The following BIVM variants were observed in gnomAD, a reference collection of about 807,000 sequenced individuals.
The protein encoded by BIVM is basic immunoglobulin-like variable motif-containing protein.
A neutral mutation model predicts 61.4 loss-of-function variants in BIVM; 31 were observed. The observed-to-expected ratio is 0.51, with a 90% CI of 0.38 to 0.68. BIVM has a LOEUF of 0.68. BIVM is among the 30% of genes least tolerant of loss of function. The pLI, the probability that BIVM is intolerant of heterozygous loss-of-function variation, is 0.00. For synonymous variants in BIVM, 189 were observed against 210.7 expected (o/e 0.90, Z 0.89); for missense variants, 526 against 596.0 (o/e 0.88, Z 1.22).
chr13:102,820,792 T>G, intron 4 of BIVM: 1 of 409,644 alleles, frequency 2.4e-6, no homozygotes, highest in Non-Finnish European at 4.3e-6. Context: ...TTTTTTCCCA[T>G]TGGTTTGGAT....
chr13:102,814,852 T>C (rs1484181876), intron 3 of BIVM, among the ~76,000 whole-genome samples: 2 of 152,176 alleles, frequency 1.3e-5, no homozygotes, highest in Non-Finnish European at 2.9e-5. Context: ...GAGACCAACC[T>C]GGGCAACATA....
chr13:102,819,892 A>G (rs556463913), intron 4 of BIVM, among the ~76,000 whole-genome samples: 1 of 152,318 alleles, frequency 6.6e-6, no homozygotes, highest in African/African-American at 2.4e-5. Flanking sequence ...TTTAGACCAC[A>G]CTAAAGTTGC....
intron 9 of BIVM, among the ~76,000 whole-genome samples, chr13:102,835,159 G>A (rs1881375848): frequency 6.6e-6 from 1 of 151,992 alleles, no homozygotes; most frequent in Admixed American, 6.6e-5. Flanking sequence ...TGGGAGGATC[G>A]CTTGAGCCCA....
intron 4 of BIVM, 95 bp downstream of exon 4, chr13:102,816,649 C>A: frequency 9.2e-7 from 1 of 1,086,354 alleles, no homozygotes; most frequent in Non-Finnish European, 1.2e-6. Context: ...TTATATGTAT[C>A]ATAAATATTT....
intron 7 of BIVM, among the ~76,000 whole-genome samples, chr13:102,823,427 G>C (rs762207354): frequency 6.6e-6 from 1 of 152,060 alleles, no homozygotes; most frequent in Non-Finnish European, 1.5e-5. Context: ...ATTTGTATAG[G>C]GTCAGTGTGA....
rs192499951 is a variant in BIVM at position 102,809,543 on chromosome 13, C to T, written c.478+1798C>T. ...GTGTCATTCACATCTTTTGTGTCTC[C>T]GCTTAACTTGTGTCTTGTTCTATCA... On this transcript the variant is annotated intron_variant, in intron 3 of 10. Coordinates refer to ENST00000257336, the MANE Select transcript of BIVM (RefSeq NM_017693.4). 5.9e-5 allele frequency among the ~76,000 whole-genome samples: 9 copies of T among 152,236 alleles called. No individual in the cohort carries two copies. In the South Asian group the frequency reaches 6.2e-4, roughly 11 times the overall value.
intron 4 of BIVM, among the ~76,000 whole-genome samples, chr13:102,819,200 C>T (rs367728408): frequency 6.6e-6 from 1 of 152,246 alleles, no homozygotes; most frequent in Admixed American, 6.5e-5. Context: ...GTAAATTGCT[C>T]ATGTTTCCAG....
intron 1 of BIVM, among the ~76,000 whole-genome samples, chr13:102,804,615 C>G (rs560217423): frequency 6.6e-6 from 1 of 151,598 alleles, no homozygotes; most frequent in Admixed American, 6.6e-5. Context: ...CCGGCCCTTA[C>G]TGTCTGGCTA....
chr13:102,824,974 G>A (rs1011991023), intron 7 of BIVM, among the ~76,000 whole-genome samples: 10 of 150,976 alleles, frequency 6.6e-5, no homozygotes, highest in South Asian at 2.1e-4. Flanking sequence ...ACGGAGTCTC[G>A]CTCTGTTGCC....
chr13:102,837,965 G>C (rs1881597994), intron 9 of BIVM, among the ~76,000 whole-genome samples: 1 of 152,122 alleles, frequency 6.6e-6, no homozygotes, highest in African/African-American at 2.4e-5. Context: ...CTGCTTGGAT[G>C]ATGGGTGCAC....
intron 9 of BIVM, 52 bp from the exon 10 acceptor site, chr13:102,838,588 AATG>A: frequency 1.4e-6 from 2 of 1,454,168 alleles, no homozygotes; most frequent in Middle Eastern, 1.8e-4. Flanking sequence ...ATTCCATTGC[AATG>A]ATACTTTAGA....
At position 102,831,622 on chromosome 13, in the gene BIVM, T is replaced by A; in HGVS notation, c.959T>A (p.Ile320Asn). 3 of 1,614,146 alleles carry A rather than the reference T, an allele frequency of 1.9e-6. No homozygotes were observed. The highest frequency in any genetic ancestry group is 1.3e-5 in the African/African-American group (1 of 75,020). ...RGLKDESLAY[I>N]YHCQNHYFCP... is the part of the protein sequence containing the mutation. ...TTGAAAGATGAATCGCTGGCTTATA[T>A]CTATCATTGCCAAAATCATTATTTT... is the stretch of plus-strand genomic sequence containing the variant. Residue 320 changes from isoleucine (I) to asparagine (N), a missense_variant, in exon 8 of 11, where the codon ATC (isoleucine) becomes AAC (asparagine). Ile to Asn is a moderately radical substitution (Grantham distance 149, BLOSUM62 -3). Coordinates refer to ENST00000257336, the MANE Select transcript of BIVM (RefSeq NM_017693.4).
At chr13:102,835,551 T>A (rs1276159370) in intron 9 of BIVM, among the ~76,000 whole-genome samples, 2 of 152,174 alleles carry the variant, frequency 1.3e-5, no homozygotes, top group East Asian at 3.9e-4. Context: ...TTGGTTTTTT[T>A]AAGACAGAGT....
At chr13:102,814,107 G>C (rs150586582) in intron 3 of BIVM, among the ~76,000 whole-genome samples, 171 of 152,246 alleles carry the variant, frequency 1.1e-3, no homozygotes, top group African/African-American at 4.0e-3. Flanking sequence ...GTCTGTCTGT[G>C]TGTGTGTTTG....
intron 8 of BIVM, 135 bp from the exon 9 acceptor site, chr13:102,834,331 A>G (rs778863494): frequency 6.2e-4 from 500 of 806,918 alleles, no homozygotes; most frequent in Non-Finnish European, 8.0e-4. Context: ...CCCTCACCTA[A>G]GCTCTAATGT....
chr13:102,827,457 ATT>A lies in BIVM; in HGVS notation c.902-4099_902-4098del, dbSNP rs11367469. ...TTTTCAAGTTTTATTCCTACTTTCAATTTTTTTTTTCCAGAATATTCGACTTT... is the reference window on the plus strand; with the variant it reads ...TTTTCAAGTTTTATTCCTACTTTCAATTTTTTTTCCAGAATATTCGACTTT... On this transcript the variant is annotated intron_variant, in intron 7 of 10. Transcript: ENST00000257336. 1.0e-2 allele frequency among the ~76,000 whole-genome samples: 1,508 copies of A among 151,056 alleles called. 22 individuals carry two copies. The highest frequency in any genetic ancestry group is 0.033 in the African/African-American group (1,362 of 41,088).
intron 5 of BIVM, 72 bp downstream of exon 5, chr13:102,821,204 A>T: frequency 7.6e-7 from 1 of 1,319,642 alleles, no homozygotes; most frequent in Non-Finnish European, 1.0e-6. Flanking sequence ...TAACAGAAAA[A>T]AATTTAAGAA....
rs1360991175 is a variant in BIVM at position 102,839,737 on chromosome 13, C to A, written c.1384C>A (p.His462Asn). The A allele has an allele frequency of 6.2e-7, 1 of 1,614,034 alleles. No homozygotes were observed. The highest frequency in any genetic ancestry group is 8.5e-7 in the Non-Finnish European group (1 of 1,180,048). ...ESEDNISKKQ[H>N]GRLGRSFSAS... ...TGAAGACAATATTTCCAAGAAGCAG[C>A]ATGGGCGTCTGGGCCGGTCTTTCAG... The change falls in exon 11 of 11, where the codon CAT (histidine) becomes AAT (asparagine). Residue 462 changes from histidine (H) to asparagine (N), a missense_variant. Around this residue, in one of 3 missense-constraint regions of BIVM, gnomAD observed 210 missense variants for 233.1 expected, o/e 0.90. Transcript: ENST00000257336.
intron 7 of BIVM, among the ~76,000 whole-genome samples, chr13:102,831,167 T>C (rs1174947147): frequency 6.6e-6 from 1 of 152,232 alleles, no homozygotes; most frequent in African/African-American, 2.4e-5. Context: ...CAGTGGTATA[T>C]GTATATACTT....
Sources: gnomAD v4.1 joint callset for allele counts (sites outside exome capture counted in the v4.1 genomes callset) on GRCh38, gnomAD v4.1.1 for gene constraint, gnomAD v4.1.1 regional missense constraint, MANE v1.5 for transcripts, NCBI Gene and HGNC (gene_info 2026-07-23, HGNC 2026-07-21) for gene names.